The following SLC8A3 variants were observed in gnomAD, a reference collection of about 807,000 sequenced individuals.
SLC8A3 encodes sodium/calcium exchanger 3.
SLC8A3 carries 37 observed loss-of-function variants against 65.4 expected under a neutral mutation model. The ratio of observed to expected loss-of-function variants is 0.57; its 90% CI spans 0.44 to 0.74. SLC8A3 has a LOEUF of 0.74. Among genes scored for constraint, SLC8A3 ranks in the 30% least tolerant of loss-of-function variants. The pLI, the probability that SLC8A3 is intolerant of heterozygous loss-of-function variation, is 0.00. For missense variants in SLC8A3, 1,112 were observed against 1,172.1 expected (o/e 0.95, Z 0.75); for synonymous variants, 461 against 444.5 (o/e 1.04, Z -0.47).
chr14:70,158,818 G>T (rs1484065237), intron 2 of SLC8A3, among the ~76,000 whole-genome samples: 2 of 152,008 alleles, frequency 1.3e-5, no homozygotes, highest in Non-Finnish European at 2.9e-5. Context: ...TTCTTACTTG[G>T]GTCCCCAGTA....
At chr14:70,058,534 C>A in intron 3 of SLC8A3, among the ~76,000 whole-genome samples, 1 of 152,198 alleles carries the variant, frequency 6.6e-6, no homozygotes, top group Non-Finnish European at 1.5e-5. Flanking sequence ...TTGCTGAAAT[C>A]CTTGTCTTCT....
At position 70,126,146 on chromosome 14, in the gene SLC8A3, A is replaced by C. The variant is rs191593923; in HGVS notation, c.1784+40493T>G. On this transcript the variant is annotated intron_variant, in intron 2 of 6. Coordinates refer to ENST00000356921, the MANE Select transcript of SLC8A3 (RefSeq NM_182932.3). ...TGCCCCAGAATTAGAAGAAATGGAA[A>C]GCCTAATGTATTTTCTTTCATTTTG... is the stretch of plus-strand genomic sequence containing the variant. 8.5e-5 allele frequency among the ~76,000 whole-genome samples: 13 copies of C among 152,328 alleles called. No homozygotes were observed. In the East Asian group the frequency reaches 2.5e-3, roughly 29 times the overall value.
chr14:70,178,227 T>A (rs1882406274), intron 1 of SLC8A3, among the ~76,000 whole-genome samples: 1 of 152,236 alleles, frequency 6.6e-6, no homozygotes, highest in Non-Finnish European at 1.5e-5. Context: ...GGACTTCCTG[T>A]AACTGTGGGA....
At chr14:70,081,323 T>C (rs1048994996) in intron 2 of SLC8A3, among the ~76,000 whole-genome samples, 4 of 152,150 alleles carry the variant, frequency 2.6e-5, no homozygotes, top group Admixed American at 6.5e-5. Flanking sequence ...GTACTTTTCT[T>C]TGGACAAGCA....
At chr14:70,135,029 C>T (rs1895092902) in intron 2 of SLC8A3, among the ~76,000 whole-genome samples, 1 of 152,018 alleles carries the variant, frequency 6.6e-6, no homozygotes, top group Admixed American at 6.6e-5. Flanking sequence ...ATAAGAAACT[C>T]GAAGAACTCA....
In SLC8A3 at chr14:70,046,000, G is replaced by A. The variant is rs1226762786; in HGVS notation, c.2713C>T (p.Leu905Phe). ...TTWLFVSLWL[L>F]YILFATLEAY... ...TCTAGTGTGGCAAAGAGTATGTAGA[G>A]GAGCCACAGGCTCACAAAGAGCCAT... Residue 905 changes from leucine (L) to phenylalanine (F), a missense_variant, in exon 7 of 7, where the codon CTC becomes TTC. Physicochemically the swap from Leu to Phe is conservative, Grantham distance 22. Transcript: ENST00000356921. The A allele has an allele frequency of 7.4e-6, 12 of 1,612,168 alleles. No homozygotes were observed. Among genetic ancestry groups the A allele is most frequent in the South Asian group, 1.1e-5 (1 of 90,840 alleles).
intron 1 of SLC8A3, 39 bp downstream of exon 1, chr14:70,188,340 G>A: frequency 6.6e-6 from 1 of 152,590 alleles, no homozygotes; most frequent in Non-Finnish European, 1.5e-5. Context: ...TCGGCTGCCC[G>A]CTAAGGGGGA....
chr14:70,108,624 G>A (rs548393152), intron 2 of SLC8A3, among the ~76,000 whole-genome samples: 4 of 152,212 alleles, frequency 2.6e-5, no homozygotes, highest in South Asian at 4.2e-4. Flanking sequence ...TTGGCAGGAG[G>A]ACTGCTCTGA....
intron 2 of SLC8A3, among the ~76,000 whole-genome samples, chr14:70,082,663 C>G (rs983635297): frequency 6.6e-6 from 1 of 152,146 alleles, no homozygotes; most frequent in African/African-American, 2.4e-5. Context: ...TCACCTTGCC[C>G]TGTAAGCCCC....
intron 5 of SLC8A3, among the ~76,000 whole-genome samples, chr14:70,049,585 C>T (rs1471960725): frequency 6.6e-6 from 1 of 151,046 alleles, no homozygotes; most frequent in East Asian, 1.9e-4. Flanking sequence ...ACCTATGTAA[C>T]AAAACTCTAT....
rs1324459642 is a variant in SLC8A3 at position 70,051,041 on chromosome 14, C to A, written c.2080G>T (p.Asp694Tyr). The A allele has an allele frequency of 2.5e-6, 4 of 1,613,318 alleles. No individual in the cohort carries two copies. The highest frequency in any genetic ancestry group is 3.4e-6 in the Non-Finnish European group (4 of 1,179,446). ...ALVVGTHSWRDQFMEAITVSA... is the reference protein window; with the variant it reads ...ALVVGTHSWRYQFMEAITVSA... The stretch of plus-strand genomic sequence containing the variant: ...ACGGTGATGGCCTCCATGAACTGGT[C>A]CCTCCAGGAATGGGTCCCCACAACC... The change falls in exon 5 of 7, where the codon GAC becomes TAC. Residue 694 changes from aspartate to tyrosine, a missense_variant. Coordinates refer to ENST00000356921, the MANE Select transcript of SLC8A3 (RefSeq NM_182932.3).
intron 2 of SLC8A3, among the ~76,000 whole-genome samples, chr14:70,142,028 G>A (rs1158258643): frequency 6.6e-6 from 1 of 152,220 alleles, no homozygotes; most frequent in Non-Finnish European, 1.5e-5. Context: ...ACAGAGCCCA[G>A]CTGGCCAATG....
chr14:70,090,617 T>TG (rs1891738279), intron 2 of SLC8A3, among the ~76,000 whole-genome samples: 2 of 152,226 alleles, frequency 1.3e-5, no homozygotes, highest in Non-Finnish European at 2.9e-5. Context: ...TTCAGTCTTT[T>TG]GGAAAAACTT....
intron 2 of SLC8A3, among the ~76,000 whole-genome samples, chr14:70,159,500 C>A (rs1208336379): frequency 1.3e-5 from 2 of 152,112 alleles, no homozygotes; most frequent in Non-Finnish European, 2.9e-5. Flanking sequence ...CCTCTTCTAC[C>A]TTCCTCCTGG....
intron 2 of SLC8A3, among the ~76,000 whole-genome samples, chr14:70,121,911 T>C (rs553966479): frequency 4.8e-4 from 73 of 152,344 alleles, no homozygotes; most frequent in African/African-American, 1.7e-3. Context: ...CCACAGCCTC[T>C]GGTCTTAGGA....
intron 3 of SLC8A3, among the ~76,000 whole-genome samples, chr14:70,054,244 G>A (rs942490543): frequency 6.7e-5 from 10 of 150,096 alleles, no homozygotes; most frequent in African/African-American, 9.8e-5. Context: ...CCTGCAAGGC[G>A]CCTGAGCTTG....
chr14:70,075,158 C>T (rs927768323), intron 2 of SLC8A3, among the ~76,000 whole-genome samples: 42 of 151,910 alleles, frequency 2.8e-4, no homozygotes, highest in African/African-American at 6.0e-4. Context: ...TGTGTGCGTG[C>T]GTGTGTGCGT....
intron 2 of SLC8A3, among the ~76,000 whole-genome samples, chr14:70,118,302 G>A (rs1388649929): frequency 1.3e-5 from 2 of 152,130 alleles, no homozygotes; most frequent in African/African-American, 2.4e-5. Flanking sequence ...GATTCCAAAT[G>A]CTCCTGCTTT....
At chr14:70,166,110 C>T (rs1231177208) in intron 2 of SLC8A3, among the ~76,000 whole-genome samples, 1 of 152,166 alleles carries the variant, frequency 6.6e-6, no homozygotes, top group African/African-American at 2.4e-5. Flanking sequence ...AGAAGACGTG[C>T]CTGGAATCTG....
Sources: gnomAD v4.1 joint callset for allele counts (sites outside exome capture counted in the v4.1 genomes callset) on GRCh38, gnomAD v4.1.1 for gene constraint, MANE v1.5 for transcripts, NCBI Gene and HGNC (gene_info 2026-07-23, HGNC 2026-07-21) for gene names.